ENAH: variants seen among roughly 807,000 people sequenced by gnomAD.
The protein encoded by ENAH is ENAH actin regulator.
ENAH carries 23 observed loss-of-function variants against 78.7 expected under a neutral mutation model. The observed-to-expected ratio is 0.29, with a 90% CI of 0.21 to 0.41. The LOEUF is 0.41. Ranked by LOEUF, ENAH falls within the 10% of genes least tolerant of loss-of-function variation. The probability of loss-of-function intolerance (pLI) is 1.00; values close to 1 mark genes in which losing one functional copy is unlikely to be tolerated. For missense variants in ENAH, 544 were observed against 691.0 expected, an observed-to-expected ratio of 0.79 and a Z score of 2.39; for synonymous variants, 226 against 241.0, an observed-to-expected ratio of 0.94 and a Z score of 0.58.
chr1:225,562,345 G>T lies in ENAH; in HGVS notation c.171+4904C>A, dbSNP rs2096710601. ...CCCAGCACTTTGGGAGGCTGAGGCG[G>T]GCAGATCACGAGGTCAGGAGATCGA... is the stretch of plus-strand genomic sequence containing the variant. On this transcript the variant is annotated intron_variant, in intron 2 of 13. Coordinates refer to ENST00000366843, the MANE Select transcript of ENAH (RefSeq NM_018212.6). Among the ~76,000 whole-genome samples, 3 of 151,784 alleles carry T rather than the reference G, an allele frequency of 2.0e-5. No homozygotes were observed. In the South Asian group the frequency reaches 6.2e-4, roughly 31 times the overall value.
intron 1 of ENAH, among the ~76,000 whole-genome samples, chr1:225,585,104 T>C (rs2096838673): frequency 6.7e-6 from 1 of 149,982 alleles, no homozygotes; most frequent in South Asian, 2.1e-4. Context: ...TAATCCCAGC[T>C]ACTCAGGAGG....
chr1:225,540,768 C>T (rs552686180), intron 3 of ENAH, among the ~76,000 whole-genome samples: 217 of 151,124 alleles, frequency 1.4e-3, no homozygotes, highest in African/African-American at 5.0e-3. Flanking sequence ...TTTAAAAATT[C>T]TTAAGATTTA....
chr1:225,528,720 G>T (rs2096523637), intron 4 of ENAH, among the ~76,000 whole-genome samples: 1 of 152,062 alleles, frequency 6.6e-6, no homozygotes, highest in South Asian at 2.1e-4. Flanking sequence ...TATATGTTTA[G>T]AATTCTTCCT....
At chr1:225,544,968 T>C (rs1304567619) in intron 3 of ENAH, among the ~76,000 whole-genome samples, 1 of 152,212 alleles carries the variant, frequency 6.6e-6, no homozygotes, top group African/African-American at 2.4e-5. Context: ...GCAATTTTTA[T>C]ATATTAAGCA....
intron 1 of ENAH, among the ~76,000 whole-genome samples, chr1:225,648,451 C>A (rs1662372220): frequency 6.6e-6 from 1 of 152,196 alleles, no homozygotes; most frequent in African/African-American, 2.4e-5. Flanking sequence ...AGTTATTTTG[C>A]TTAATCCAAC....
At chr1:225,610,995 C>A (rs974036248) in intron 1 of ENAH, among the ~76,000 whole-genome samples, 2 of 152,184 alleles carry the variant, frequency 1.3e-5, no homozygotes, top group African/African-American at 4.8e-5. Context: ...AGAATATGTT[C>A]TATGTGATTC....
intron 1 of ENAH, among the ~76,000 whole-genome samples, chr1:225,612,051 C>T (rs1240280159): frequency 2.0e-5 from 3 of 152,132 alleles, no homozygotes; most frequent in Non-Finnish European, 4.4e-5. Flanking sequence ...TGGAAAATTA[C>T]CTATCATGTA....
chr1:225,557,846 A>G (rs2096674886), intron 2 of ENAH, among the ~76,000 whole-genome samples: 1 of 152,132 alleles, frequency 6.6e-6, no homozygotes. Context: ...ATATAAATAA[A>G]TAAATGACTT....
At chr1:225,624,468 A>G (rs1008431092) in intron 1 of ENAH, among the ~76,000 whole-genome samples, 1 of 152,002 alleles carries the variant, frequency 6.6e-6, no homozygotes, top group African/African-American at 2.4e-5. Flanking sequence ...TACTAAAACT[A>G]TAAGAATTAG....
chr1:225,590,541 A>G (rs2096870571), intron 1 of ENAH, among the ~76,000 whole-genome samples: 1 of 152,204 alleles, frequency 6.6e-6, no homozygotes, highest in African/African-American at 2.4e-5. Flanking sequence ...GCTGCCTATT[A>G]TGTGTTTCTA....
chr1:225,506,952 GA>G (rs967877433), intron 11 of ENAH, among the ~76,000 whole-genome samples: 1 of 151,430 alleles, frequency 6.6e-6, no homozygotes, highest in African/African-American at 2.4e-5. Flanking sequence ...AGCTCAGAAA[GA>G]AAAGACAAAA....
rs1373555004 is a variant in ENAH, at chr1:225,544,899, C to T, written c.349+10007G>A. On this transcript the variant is annotated intron_variant, in intron 3 of 13. Transcript: ENST00000366843. ...GTACTGACTGAGACAGAGCTAGAAACAGCTAGTAACAACAGTTACTGCTAT... is the reference window on the plus strand; with the variant it reads ...GTACTGACTGAGACAGAGCTAGAAATAGCTAGTAACAACAGTTACTGCTAT... 2.0e-5 allele frequency among the ~76,000 whole-genome samples: 3 copies of T among 152,028 alleles called. No homozygotes were observed. The South Asian group carries it at 6.2e-4, about 32-fold the overall frequency.
chr1:225,594,081 T>G (rs1369549342), intron 1 of ENAH, among the ~76,000 whole-genome samples: 1 of 152,206 alleles, frequency 6.6e-6, no homozygotes, highest in East Asian at 1.9e-4. Flanking sequence ...AATGTTGGCA[T>G]GAGGCTAGAA....
rs1384464006 is a variant in ENAH at position 225,492,776 on chromosome 1, G to GA, written c.*4998dup. ...CCCTTTCTCAATTTTCAGATGTATC[G>GA]ATTCCTTCAGATTTCAACAGAAATA... On this transcript the variant is annotated 3_prime_UTR_variant, in exon 14 of 14. Transcript: ENST00000366843. The GA allele has an allele frequency of 1.3e-5, 2 of 152,130 alleles. No individual in the cohort carries two copies. Among genetic ancestry groups the GA allele is most frequent in the African/African-American group, 4.8e-5 (2 of 41,420 alleles). The allele number at this position is 152,130 out of a possible 1,614,324, so 9.4% of individuals were successfully genotyped here. A position where few individuals can be genotyped will look rare whatever the true frequency, so the allele number is the denominator to read the frequency against.
chr1:225,638,965 T>G (rs1287138837), intron 1 of ENAH, among the ~76,000 whole-genome samples: 1 of 152,208 alleles, frequency 6.6e-6, no homozygotes, highest in East Asian at 1.9e-4. Context: ...CAGTCCCCAT[T>G]AAACATCCCT....
chr1:225,544,579 G>T (rs1487063797), intron 3 of ENAH, among the ~76,000 whole-genome samples: 2 of 152,190 alleles, frequency 1.3e-5, no homozygotes, highest in African/African-American at 2.4e-5. Context: ...CACAAAAATA[G>T]TATCTGCCTC....
chr1:225,566,253 TTG>T (rs890219641), intron 2 of ENAH, among the ~76,000 whole-genome samples: 2 of 151,076 alleles, frequency 1.3e-5, no homozygotes, highest in African/African-American at 4.9e-5. Context: ...GCTAGTTTTT[TTG>T]TGTGTTTTTT....
At chr1:225,629,202 C>T (rs1015204326) in intron 1 of ENAH, among the ~76,000 whole-genome samples, 6 of 151,846 alleles carry the variant, frequency 4.0e-5, no homozygotes, top group Non-Finnish European at 8.8e-5. Context: ...CGCTTGAATC[C>T]GGGAGGCAGA....
At chr1:225,634,707 C>A (rs1236604048) in intron 1 of ENAH, among the ~76,000 whole-genome samples, 3 of 152,198 alleles carry the variant, frequency 2.0e-5, no homozygotes, top group Non-Finnish European at 4.4e-5. Context: ...TCACTGTCAT[C>A]AAAAATCTAT....
Sources: allele counts gnomAD v4.1 joint callset (sites outside exome capture counted in the v4.1 genomes callset), GRCh38; gene constraint gnomAD v4.1.1; transcripts MANE v1.5; gene names NCBI Gene and HGNC (gene_info 2026-07-23, HGNC 2026-07-21).